Variants in CSMD1 observed in about 807,000 individuals in gnomAD.
The protein encoded by CSMD1 is CUB and Sushi multiple domains 1.
In CSMD1, 213 loss-of-function variants were observed where a neutral mutation model predicts 417.5. That is an observed-to-expected ratio of 0.51 (90% confidence interval 0.46 to 0.57). The LOEUF is 0.57. Ranked by LOEUF, CSMD1 falls within the 20% of genes least tolerant of loss-of-function variation. CSMD1 has a pLI of 0.00. For missense variants in CSMD1, 6,923 were observed against 4,529.7 expected (o/e 1.53, Z -15.17); for synonymous variants, 2,862 against 1,736.8 (o/e 1.65, Z -16.11).
intron 2 of CSMD1, among the ~76,000 whole-genome samples, chr8:4,576,969 A>C (rs1266559698): frequency 6.6e-6 from 1 of 152,220 alleles, no homozygotes; most frequent in African/African-American, 2.4e-5. Context: ...TAAGTTTTCT[A>C]ATTCGATGAA....
At chr8:4,766,883 T>A (rs1300643419) in intron 1 of CSMD1, among the ~76,000 whole-genome samples, 1 of 152,220 alleles carries the variant, frequency 6.6e-6, no homozygotes, top group Non-Finnish European at 1.5e-5. Flanking sequence ...TTAAATCTTA[T>A]GTTGATATTT....
chr8:4,070,997 T>C (rs997334311), intron 3 of CSMD1, among the ~76,000 whole-genome samples: 3 of 152,190 alleles, frequency 2.0e-5, no homozygotes, highest in Admixed American at 6.5e-5. Flanking sequence ...ATGTAATGCG[T>C]CCATTTTCTG....
chr8:3,286,152 G>T (rs1169396870), intron 25 of CSMD1, among the ~76,000 whole-genome samples: 2 of 152,118 alleles, frequency 1.3e-5, no homozygotes, highest in Non-Finnish European at 2.9e-5. Flanking sequence ...CAAAGGACAT[G>T]AACTCATACT....
intron 1 of CSMD1, among the ~76,000 whole-genome samples, chr8:4,657,600 C>T (rs1804316301): frequency 6.6e-6 from 1 of 151,120 alleles, no homozygotes; most frequent in Non-Finnish European, 1.5e-5. Context: ...AAAACAATTC[C>T]CAAGAAGAAT....
rs140312960 is a variant in CSMD1, at chr8:3,191,149, T to A, written c.5195-1034A>T. On this transcript the variant is annotated intron_variant, in intron 33 of 69. Transcript: ENST00000635120. ...TAGTCCTCTCTAAAGTCACCTAGGA[T>A]GAGCTCAAATCCTAACAAGCCCCAG... Among the ~76,000 whole-genome samples the A allele has an allele frequency of 3.9e-3, 590 of 152,290 alleles. 4 individuals are homozygous for A. Among genetic ancestry groups the A allele is most frequent in the African/African-American group, 0.014 (569 of 41,580 alleles).
At chr8:3,506,423 G>A (rs1381715327) in intron 10 of CSMD1, among the ~76,000 whole-genome samples, 1 of 152,184 alleles carries the variant, frequency 6.6e-6, no homozygotes, top group East Asian at 1.9e-4. Flanking sequence ...AGGAGAAGGT[G>A]CCGAATGGGT....
At chr8:3,556,151 C>G (rs1002368164) in intron 10 of CSMD1, among the ~76,000 whole-genome samples, 4 of 151,922 alleles carry the variant, frequency 2.6e-5, no homozygotes, top group African/African-American at 9.7e-5. Flanking sequence ...TATTCAGAAT[C>G]ATCAATTTCC....
chr8:4,104,732 G>C (rs1044586292), intron 3 of CSMD1, among the ~76,000 whole-genome samples: 4 of 152,180 alleles, frequency 2.6e-5, no homozygotes, highest in Non-Finnish European at 5.9e-5. Flanking sequence ...GAGGAACTAG[G>C]TCAGAGCCCG....
intron 3 of CSMD1, among the ~76,000 whole-genome samples, chr8:4,277,503 C>T (rs73189904): frequency 1.7e-3 from 258 of 152,206 alleles, no homozygotes; most frequent in Middle Eastern, 3.4e-3. Context: ...TCATTGTTTC[C>T]TGGTGCCATG....
At chr8:4,664,533 C>T (rs1371240615) in intron 1 of CSMD1, among the ~76,000 whole-genome samples, 1 of 151,978 alleles carries the variant, frequency 6.6e-6, no homozygotes, top group Non-Finnish European at 1.5e-5. Context: ...TGCATTCCAC[C>T]CTCGGCAATA....
At chr8:4,902,974 C>T (rs545942182) in intron 1 of CSMD1, among the ~76,000 whole-genome samples, 957 of 38,760 alleles carry the variant, frequency 0.025, 12 homozygotes, top group African/African-American at 0.12. Context: ...GAATACTAAA[C>T]TAAATAATAA....
Position 3,150,849 on chromosome 8 carries a change from C to A in CSMD1, c.6031+548G>T, listed in dbSNP as rs889511287. Reference sequence around the variant, plus strand: ...CAGAAAAAGGTTCTATAATAGTATACACAACAATTAAATTTATGAATTATT... The same window carrying A: ...CAGAAAAAGGTTCTATAATAGTATAAACAACAATTAAATTTATGAATTATT... On this transcript the variant is annotated intron_variant, in intron 40 of 69. Transcript: ENST00000635120. Among the ~76,000 whole-genome samples, 3 of 151,920 alleles carry A rather than the reference C, an allele frequency of 2.0e-5. No individual in the cohort carries two copies. The East Asian group carries it at 5.8e-4, about 29-fold the overall frequency.
intron 23 of CSMD1, among the ~76,000 whole-genome samples, chr8:3,308,743 T>G (rs1805092841): frequency 6.7e-6 from 1 of 148,864 alleles, no homozygotes; most frequent in Non-Finnish European, 1.5e-5. Flanking sequence ...TTTTTTTTTT[T>G]TTTTTTTTTT....
chr8:3,129,075 G>A (rs950000104), intron 41 of CSMD1, among the ~76,000 whole-genome samples: 1 of 152,132 alleles, frequency 6.6e-6, no homozygotes, highest in Non-Finnish European at 1.5e-5. Context: ...CAAAGGCCAC[G>A]GAGTCAACAT....
chr8:3,280,753 A>T (rs74610205), intron 26 of CSMD1, among the ~76,000 whole-genome samples: 7,118 of 149,610 alleles, frequency 0.048, 241 homozygotes, highest in East Asian at 0.13. Flanking sequence ...AGAAACTTTC[A>T]TGGTGTCTTC....
At chr8:4,339,330 C>T (rs952458840) in intron 3 of CSMD1, among the ~76,000 whole-genome samples, 1 of 152,058 alleles carries the variant, frequency 6.6e-6, no homozygotes, top group East Asian at 1.9e-4. Context: ...AATTCACAAG[C>T]TATGCTGGCA....
chr8:3,166,317 G>C (rs1235464245), intron 37 of CSMD1, among the ~76,000 whole-genome samples: 1 of 152,062 alleles, frequency 6.6e-6, no homozygotes, highest in Non-Finnish European at 1.5e-5. Context: ...GATCACCTGA[G>C]GTCAGGTGTT....
At chr8:3,301,592 A>T (rs1175582274) in intron 25 of CSMD1, among the ~76,000 whole-genome samples, 2 of 152,192 alleles carry the variant, frequency 1.3e-5, no homozygotes, top group Non-Finnish European at 2.9e-5. Flanking sequence ...AACTCAAGAC[A>T]GTGTGTGTAA....
intron 8 of CSMD1, among the ~76,000 whole-genome samples, chr8:3,586,720 A>T (rs1335629390): frequency 1.3e-5 from 2 of 152,180 alleles, no homozygotes; most frequent in African/African-American, 2.4e-5. Context: ...GCTATCACAC[A>T]TGTTAATTAT....
Sources: allele counts gnomAD v4.1 joint callset (sites outside exome capture counted in the v4.1 genomes callset), GRCh38; gene constraint gnomAD v4.1.1; transcripts MANE v1.5; gene names NCBI Gene and HGNC (gene_info 2026-07-23, HGNC 2026-07-21).